Variants in SEMA5B observed in about 807,000 individuals in gnomAD.
SEMA5B encodes the protein semaphorin-5B.
In SEMA5B, 66 loss-of-function variants were observed where a neutral mutation model predicts 135.0. That is an observed-to-expected ratio of 0.49 (90% CI 0.40 to 0.60). The LOEUF (loss-of-function observed/expected upper bound fraction) is 0.60, where lower values mean the gene tolerates loss of function less well. SEMA5B is among the 20% of genes least tolerant of loss of function. The probability of loss-of-function intolerance (pLI) is 0.00; values close to 1 mark genes in which losing one functional copy is unlikely to be tolerated. For missense variants in SEMA5B, 1,501 were observed against 1,566.3 expected, an observed-to-expected ratio of 0.96 and a Z score of 0.70; for synonymous variants, 690 against 639.5, an observed-to-expected ratio of 1.08 and a Z score of -1.19.
rs113736891 is a variant in SEMA5B at position 122,979,199 on chromosome 3, C to A, written c.-38-17898G>T. On this transcript the variant is annotated intron_variant, in intron 1 of 22. Coordinates refer to ENST00000357599, the MANE Select transcript of SEMA5B (RefSeq NM_001031702.4). ...GAGAGGATGACCAGAGACACCTTCG[C>A]TCTCAGGACAAGACAAGGTGAACGT... is the stretch of plus-strand genomic sequence containing the variant. Among the ~76,000 whole-genome samples the A allele has an allele frequency of 2.7e-3, 411 of 152,296 alleles. 2 individuals carry two copies. The highest frequency in any genetic ancestry group is 9.1e-3 in the African/African-American group (379 of 41,564).
intron 1 of SEMA5B, among the ~76,000 whole-genome samples, chr3:123,018,251 C>T (rs989415486): frequency 3.3e-5 from 5 of 152,250 alleles, no homozygotes; most frequent in Non-Finnish European, 7.3e-5. Context: ...GTTTACCCAT[C>T]GGGTTGGGAA....
chr3:122,958,623 G>T (rs147152132), intron 2 of SEMA5B, among the ~76,000 whole-genome samples: 1 of 152,360 alleles, frequency 6.6e-6, no homozygotes, highest in Non-Finnish European at 1.5e-5. Context: ...TCTGAATAGA[G>T]CAGATTTGAT....
At chr3:122,970,938 G>GA (rs1941086155) in intron 1 of SEMA5B, among the ~76,000 whole-genome samples, 1 of 152,242 alleles carries the variant, frequency 6.6e-6, no homozygotes, top group Non-Finnish European at 1.5e-5. Context: ...ACCCTTCTAA[G>GA]TTTGTCCATC....
chr3:122,911,563 CA>C (rs1289439802), intron 20 of SEMA5B, 28 bp from the exon 21 acceptor site: 2 of 1,603,594 alleles, frequency 1.2e-6, no homozygotes, highest in Admixed American at 1.7e-5. Context: ...GACAGGGTGT[CA>C]GGGGCGGAGA....
intron 5 of SEMA5B, among the ~76,000 whole-genome samples, chr3:122,934,028 C>T (rs1336103688): frequency 1.3e-5 from 2 of 149,678 alleles, no homozygotes; most frequent in African/African-American, 2.4e-5. Flanking sequence ...CTGCCTCGGC[C>T]TCCCGAGTAG....
chr3:123,011,218 A>C (rs1224235517), intron 1 of SEMA5B, among the ~76,000 whole-genome samples: 1 of 152,226 alleles, frequency 6.6e-6, no homozygotes, highest in African/African-American at 2.4e-5. Context: ...AAGACTTAGC[A>C]ACCAGAGCCT....
At chr3:122,965,259 C>T (rs1171835674) in intron 1 of SEMA5B, among the ~76,000 whole-genome samples, 3 of 152,310 alleles carry the variant, frequency 2.0e-5, no homozygotes, top group South Asian at 2.1e-4. Flanking sequence ...ATTCATTCCC[C>T]CATTGTCTTC....
At chr3:123,003,519 AG>A in intron 1 of SEMA5B, among the ~76,000 whole-genome samples, 1 of 152,026 alleles carries the variant, frequency 6.6e-6, no homozygotes, top group Non-Finnish European at 1.5e-5. Context: ...CTCCATCCTC[AG>A]GGGGCCTCTT....
chr3:122,977,115 G>A (rs1369257983), intron 1 of SEMA5B, among the ~76,000 whole-genome samples: 3 of 152,194 alleles, frequency 2.0e-5, no homozygotes, highest in Admixed American at 2.0e-4. Flanking sequence ...TCCCAGGTGG[G>A]AAACTGACAG....
intron 1 of SEMA5B, among the ~76,000 whole-genome samples, chr3:122,982,904 C>T (rs1941566834): frequency 6.6e-6 from 1 of 152,246 alleles, no homozygotes; most frequent in Non-Finnish European, 1.5e-5. Flanking sequence ...GCTCAGTTCC[C>T]AGGCCTGTCC....
chr3:123,017,624 T>C (rs1942591934), intron 1 of SEMA5B, among the ~76,000 whole-genome samples: 1 of 152,024 alleles, frequency 6.6e-6, no homozygotes, highest in East Asian at 1.9e-4. Flanking sequence ...ACAGCACAGG[T>C]TGGCCAGGCG....
chr3:122,935,688 T>TTC (rs1939240334), intron 5 of SEMA5B, among the ~76,000 whole-genome samples: 11 of 23,798 alleles, frequency 4.6e-4, no homozygotes, highest in South Asian at 2.0e-3. Context: ...CTTTCTTTCT[T>TTC]TTTTTTTTTT....
intron 1 of SEMA5B, among the ~76,000 whole-genome samples, chr3:123,012,342 C>T (rs1942455020): frequency 6.6e-6 from 1 of 152,154 alleles, no homozygotes; most frequent in Non-Finnish European, 1.5e-5. Context: ...CATGTTCTCC[C>T]AATCCCTACC....
In SEMA5B at chr3:122,939,433, G is replaced by T. The variant is rs767636008; in HGVS notation, c.466C>A (p.Leu156Ile). ...GAAGAAAGCAATCGTACCTGAAGAAGAGAGACATTGGCAAGGCTGAGTCTG... is the reference window on the plus strand; with the variant it reads ...GAAGAAAGCAATCGTACCTGAAGAATAGAGACATTGGCAAGGCTGAGTCTG... ...LFRLSLANVSLLQATEWASSE... is the reference protein window; with the variant it reads ...LFRLSLANVSILQATEWASSE... Residue 156 changes from leucine (L) to isoleucine (I), a missense_variant, in exon 5 of 23, where the codon CTT (leucine) becomes ATT (isoleucine). By Grantham distance (5) the Leu-to-Ile change is conservative. Transcript: ENST00000357599. 9 of 1,611,052 alleles carry T rather than the reference G, an allele frequency of 5.6e-6. No homozygotes were observed. Among genetic ancestry groups the T allele is most frequent in the East Asian group, 2.2e-5 (1 of 44,880 alleles).
chr3:122,983,063 C>T (rs924288278), intron 1 of SEMA5B, among the ~76,000 whole-genome samples: 2 of 152,174 alleles, frequency 1.3e-5, no homozygotes, highest in Admixed American at 1.3e-4. Context: ...AGGGCGGCTG[C>T]GGGATGAAGT....
intron 3 of SEMA5B, among the ~76,000 whole-genome samples, chr3:122,944,814 C>G (rs1939712368): frequency 6.6e-6 from 1 of 152,162 alleles, no homozygotes; most frequent in Admixed American, 6.5e-5. Context: ...GATAGCTCTC[C>G]CTCAGCCTAT....
At chr3:123,009,513 G>A (rs1293557118) in intron 1 of SEMA5B, among the ~76,000 whole-genome samples, 1 of 131,660 alleles carries the variant, frequency 7.6e-6, no homozygotes, top group Admixed American at 7.6e-5. Context: ...TCACATGTAT[G>A]TGTGTGTGTG....
At chr3:122,960,698 T>C (rs1317603204) in intron 2 of SEMA5B, among the ~76,000 whole-genome samples, 2 of 152,268 alleles carry the variant, frequency 1.3e-5, no homozygotes, top group African/African-American at 4.8e-5. Flanking sequence ...GCGGACATTA[T>C]GCTAAGTGAA....
Position 122,910,940 on chromosome 3 carries a change from G to A in SEMA5B, c.3197C>T (p.Ser1066Phe), listed in dbSNP as rs1289398519. ...YLSCQHCQRQ[S>F]QESTLVHPAT... Reference sequence around the variant, plus strand: ...AGGATGGACCAGTGTGGACTCCTGGGACTGACGCTGGCAGTGCTGGCAAGA... The same window carrying A: ...AGGATGGACCAGTGTGGACTCCTGGAACTGACGCTGGCAGTGCTGGCAAGA... The change falls in exon 22 of 23, where the codon TCC becomes TTC. Residue 1066 changes from serine (S) to phenylalanine (F), a missense_variant. By Grantham distance (155) the Ser-to-Phe change is radical. Coordinates refer to ENST00000357599, the MANE Select transcript of SEMA5B (RefSeq NM_001031702.4). 2 of 1,613,846 alleles carry A rather than the reference G, an allele frequency of 1.2e-6. No homozygotes were observed. The highest frequency in any genetic ancestry group is 8.5e-7 in the Non-Finnish European group (1 of 1,179,976).
Sources: gnomAD v4.1 joint callset for allele counts (sites outside exome capture counted in the v4.1 genomes callset) on GRCh38, gnomAD v4.1.1 for gene constraint, MANE v1.5 for transcripts, NCBI Gene and HGNC (gene_info 2026-07-23, HGNC 2026-07-21) for gene names.